Variants in GGACT observed in about 807,000 individuals in gnomAD.
GGACT encodes gamma-glutamylaminecyclotransferase.
For missense variants in GGACT, 241 were observed against 233.2 expected, an observed-to-expected ratio of 1.03 and a Z score of -0.22; for synonymous variants, 118 against 115.3, an observed-to-expected ratio of 1.02 and a Z score of -0.15.
chr13:100,572,611 A>G (rs1376110363), intron 2 of GGACT, among the ~76,000 whole-genome samples: 1 of 152,172 alleles, frequency 6.6e-6, no homozygotes, highest in Admixed American at 6.5e-5. Flanking sequence ...GCTGGGGTGC[A>G]GTGGCTATTC....
In GGACT at chr13:100,570,987, CT is replaced by C. The variant is rs376930670; in HGVS notation, c.-11+12837del. Among the ~76,000 whole-genome samples the C allele has an allele frequency of 1.2e-3, 177 of 152,216 alleles. 1 individual carries two copies. Among genetic ancestry groups the C allele is most frequent in the African/African-American group, 4.0e-3 (167 of 41,548 alleles). ...GCTCAGTCTCCAAGAAAACGACCCC[CT>C]ATGAGGACAGTTTATAGCCCTTGAG... is the stretch of plus-strand genomic sequence containing the variant. On this transcript the variant is annotated intron_variant, in intron 2 of 2. Transcript: ENST00000683975.
At chr13:100,582,209 C>G (rs937113233) in intron 2 of GGACT, among the ~76,000 whole-genome samples, 1 of 152,170 alleles carries the variant, frequency 6.6e-6, no homozygotes, top group Non-Finnish European at 1.5e-5. Context: ...GGAGAAACAG[C>G]TGATTTCAGA....
rs566366006 is a variant in GGACT at position 100,554,820 on chromosome 13, G to A, written c.-10-22219C>T. On this transcript the variant is annotated intron_variant, in intron 2 of 2. Transcript: ENST00000683975. ...TTGTACTGCTCTATTACTTTTATAG[G>A]TAAACGAGAGAGAGAGAAAAGAAAT... Among the ~76,000 whole-genome samples, 3 of 152,214 alleles carry A rather than the reference G, an allele frequency of 2.0e-5. No individual in the cohort carries two copies. The South Asian group carries it at 6.2e-4, about 32-fold the overall frequency.
rs879053595 is a variant in GGACT, at chr13:100,539,965, C to T, written c.-10-7364G>A. On this transcript the variant is annotated intron_variant, in intron 2 of 2. Coordinates refer to ENST00000683975, the MANE Select transcript of GGACT (RefSeq NM_001195087.2). The stretch of plus-strand genomic sequence containing the variant: ...AGGTCTAAATCGAGGTGGGGGTGTT[C>T]GGTCCTTGCGGGCTTCACGAGATCG... 7.3e-5 allele frequency: 113 copies of T among 1,546,518 alleles called. 1 individual carries two copies. In the Middle Eastern group the frequency reaches 9.2e-4, roughly 13 times the overall value.
intron 2 of GGACT, among the ~76,000 whole-genome samples, chr13:100,542,057 ATGG>A (rs753742619): frequency 0.011 from 1,665 of 152,350 alleles, 31 homozygotes; most frequent in African/African-American, 0.037. Context: ...ACTTGTCCCC[ATGG>A]GGACTGAGCC....
Position 100,532,594 on chromosome 13 carries a change from G to A in GGACT, c.-3C>T, listed in dbSNP as rs1289594464. 3.9e-6 allele frequency: 6 copies of A among 1,534,106 alleles called. No individual in the cohort carries two copies. Among genetic ancestry groups the A allele is most frequent in the East Asian group, 2.5e-5 (1 of 40,520 alleles). On this transcript the variant is annotated 5_prime_UTR_variant, in exon 3 of 3. Coordinates refer to ENST00000683975, the MANE Select transcript of GGACT (RefSeq NM_001195087.2). ...CCGTACACGAAGACTAGGGCCATCC[G>A]GGCAGAGCTGCAGGGAGAGGGGAAG...
chr13:100,569,834 C>G (rs1351488800), intron 2 of GGACT, among the ~76,000 whole-genome samples: 1 of 152,226 alleles, frequency 6.6e-6, no homozygotes, highest in African/African-American at 2.4e-5. Context: ...TCACCTCTCT[C>G]AAGTTCAAAG....
At chr13:100,557,188 G>C (rs751689371) in intron 2 of GGACT, among the ~76,000 whole-genome samples, 3 of 152,182 alleles carry the variant, frequency 2.0e-5, no homozygotes, top group Non-Finnish European at 4.4e-5. Context: ...ACCATGCCCA[G>C]CCCGAAGTTT....
At position 100,569,947 on chromosome 13, in the gene GGACT, T is replaced by C. The variant is rs565415061; in HGVS notation, c.-11+13878A>G. Among the ~76,000 whole-genome samples the C allele has an allele frequency of 3.9e-5, 6 of 152,324 alleles. No individual in the cohort carries two copies. The South Asian group carries it at 1.0e-3, about 26-fold the overall frequency. The stretch of plus-strand genomic sequence containing the variant: ...GTTCCCAACAAGTTCCTCGTTTCCA[T>C]CTGAGACCACCTCAGCCTGGACTTT... On this transcript the variant is annotated intron_variant, in intron 2 of 2. Transcript: ENST00000683975.
chr13:100,560,064 G>C (rs2153015099), intron 2 of GGACT, among the ~76,000 whole-genome samples: 1 of 152,170 alleles, frequency 6.6e-6, no homozygotes, highest in South Asian at 2.1e-4. Context: ...CCAAGCCATG[G>C]GGGCAGAGCA....
intron 2 of GGACT, among the ~76,000 whole-genome samples, chr13:100,582,833 G>C (rs892693913): frequency 6.6e-6 from 1 of 152,154 alleles, no homozygotes; most frequent in African/African-American, 2.4e-5. Context: ...AGAAGTTGGT[G>C]CCCTTAACCA....
intron 1 of GGACT, 69 bp from the exon 2 acceptor site, chr13:100,584,066 A>T (rs957402760): frequency 1.3e-5 from 2 of 152,212 alleles, no homozygotes; most frequent in Non-Finnish European, 2.9e-5. Flanking sequence ...AGGGGCTTAC[A>T]AACAAACATA....
intron 2 of GGACT, among the ~76,000 whole-genome samples, chr13:100,565,627 C>T (rs1046506690): frequency 1.3e-5 from 2 of 152,166 alleles, no homozygotes; most frequent in East Asian, 1.9e-4. Flanking sequence ...TTGATGATGA[C>T]GCCCATTTCT....
intron 2 of GGACT, among the ~76,000 whole-genome samples, chr13:100,568,381 C>G (rs1308632960): frequency 6.6e-6 from 1 of 152,242 alleles, no homozygotes; most frequent in Admixed American, 6.5e-5. Flanking sequence ...GGGAACCAAA[C>G]ATGTCCTTCT....
chr13:100,581,955 A>G (rs1232580181), intron 2 of GGACT, among the ~76,000 whole-genome samples: 1 of 152,218 alleles, frequency 6.6e-6, no homozygotes, highest in Non-Finnish European at 1.5e-5. Flanking sequence ...CTGGAGTGGA[A>G]GAAAGGGGTA....
chr13:100,576,298 G>C (rs1356785316), intron 2 of GGACT, among the ~76,000 whole-genome samples: 1 of 152,222 alleles, frequency 6.6e-6, no homozygotes, highest in African/African-American at 2.4e-5. Context: ...GATAACATGA[G>C]ATGCTGAGAA....
In GGACT at chr13:100,534,434, G is replaced by C. The variant is rs1210180691; in HGVS notation, c.-10-1833C>G. Among the ~76,000 whole-genome samples the C allele has an allele frequency of 1.3e-5, 2 of 152,092 alleles. No individual in the cohort carries two copies. The highest frequency in any genetic ancestry group is 2.9e-5 in the Non-Finnish European group (2 of 68,026). ...TAGGACGGTACTGAGGAAGAGAAGA[G>C]GCAAGTGCTCAGGCCTAAAATTGCC... On this transcript the variant is annotated intron_variant, in intron 2 of 2. Transcript: ENST00000683975. This position sits in a 1 kb window ranked among gnomAD's most constrained non-coding sequence, Gnocchi z 4.9.
intron 2 of GGACT, among the ~76,000 whole-genome samples, chr13:100,550,417 TACACACACACACACACACAC>T (rs61669253): frequency 3.0e-4 from 22 of 72,514 alleles, no homozygotes; most frequent in South Asian, 4.6e-4. Flanking sequence ...GATTATACTC[TACACACACACACACACACAC>T]ACACACACAC....
At chr13:100,560,243 G>A (rs998667547) in intron 2 of GGACT, among the ~76,000 whole-genome samples, 1 of 152,174 alleles carries the variant, frequency 6.6e-6, no homozygotes, top group Non-Finnish European at 1.5e-5. Context: ...ACTTTAAACA[G>A]TAAGTGAGTA....
Sources: gnomAD v4.1 joint callset for allele counts (sites outside exome capture counted in the v4.1 genomes callset) on GRCh38, gnomAD v4.1.1 for gene constraint, Gnocchi (gnomAD v3.1) non-coding constraint, MANE v1.5 for transcripts, NCBI Gene and HGNC (gene_info 2026-07-23, HGNC 2026-07-21) for gene names.